Variants in COG6 observed in about 807,000 individuals in gnomAD.
COG6 encodes conserved oligomeric Golgi complex subunit 6.
A neutral mutation model predicts 88.8 loss-of-function variants in COG6; 74 were observed. The ratio of observed to expected loss-of-function variants is 0.83; its 90% CI spans 0.69 to 1.01. The LOEUF is 1.01. Ranked by LOEUF, COG6 falls within the 50% of genes least tolerant of loss-of-function variation. The probability of loss-of-function intolerance (pLI) is 0.00; values close to 1 mark genes in which losing one functional copy is unlikely to be tolerated. For missense variants in COG6, 800 were observed against 797.9 expected, an observed-to-expected ratio of 1.00 and a Z score of -0.03; for synonymous variants, 286 against 278.7, an observed-to-expected ratio of 1.03 and a Z score of -0.26.
chr13:39,705,773 A>G (rs1194743838), intron 13 of COG6, among the ~76,000 whole-genome samples: 3 of 152,112 alleles, frequency 2.0e-5, no homozygotes, highest in African/African-American at 7.2e-5. Context: ...CAGCTTGGGC[A>G]TCATATGGGA....
exon 19 of COG6, chr13:39,789,671 C>T (rs144610952): frequency 2.0e-5 from 3 of 152,154 alleles, no homozygotes; most frequent in African/African-American, 4.8e-5. Flanking sequence ...ACCCCCTCAC[C>T]CTCTTTAAAT....
chr13:39,719,765 A>G lies in COG6; in HGVS notation c.1522A>G (p.Met508Val), dbSNP rs1305639729. 9 of 1,612,696 alleles carry G rather than the reference A, an allele frequency of 5.6e-6. No homozygotes were observed. The Admixed American group carries it at 1.0e-4, about 18-fold the overall frequency. The part of the protein sequence containing the change: ...ATFMVNSLYM[M>V]KTTLALFEFT... ...TTTCATGGTCAATTCACTATATATGATGAAGACAACATTAGCTCTATTTGA... is the reference window on the plus strand; with the variant it reads ...TTTCATGGTCAATTCACTATATATGGTGAAGACAACATTAGCTCTATTTGA... The change falls in exon 15 of 19, where the codon ATG becomes GTG. Residue 508 changes from methionine to valine, a missense_variant. By Grantham distance (21) the Met-to-Val change is conservative. Transcript: ENST00000455146.
In COG6 at chr13:39,709,159, C is replaced by T. The variant is rs1057286984; in HGVS notation, c.1284+9541C>T. Among the ~76,000 whole-genome samples, 9 of 152,146 alleles carry T rather than the reference C, an allele frequency of 5.9e-5. No individual in the cohort carries two copies. The South Asian group carries it at 6.2e-4, about 11-fold the overall frequency. On this transcript the variant is annotated intron_variant, in intron 13 of 18. Coordinates refer to ENST00000455146, the MANE Select transcript of COG6 (RefSeq NM_020751.3). Reference sequence around the variant, plus strand: ...AAACAAAGAATTACGGCACAGTCAACGTAGATTAACCTGCCCTAGGTCACA... The same window carrying T: ...AAACAAAGAATTACGGCACAGTCAATGTAGATTAACCTGCCCTAGGTCACA...
intron 4 of COG6, among the ~76,000 whole-genome samples, chr13:39,665,511 T>C (rs1373351223): frequency 6.6e-6 from 1 of 152,230 alleles, no homozygotes; most frequent in African/African-American, 2.4e-5. Context: ...AGCTATGATA[T>C]ATCCTCTCTG....
intron 18 of COG6, chr13:39,788,220 C>T (rs1337455757): frequency 9.3e-7 from 1 of 1,073,308 alleles, no homozygotes; most frequent in Non-Finnish European, 1.4e-6. Flanking sequence ...AGTATATGGT[C>T]CTGGATGAAT....
chr13:39,679,376 G>C (rs1319569840), intron 5 of COG6, 162 bp from the exon 6 acceptor site: 1 of 639,284 alleles, frequency 1.6e-6, no homozygotes. Flanking sequence ...ATAAATACCA[G>C]TTACACCGTC....
At chr13:39,708,709 A>T (rs767567458) in intron 13 of COG6, among the ~76,000 whole-genome samples, 3 of 152,188 alleles carry the variant, frequency 2.0e-5, no homozygotes, top group Non-Finnish European at 4.4e-5. Context: ...ATGTTCTCAT[A>T]GTAGGTCTTC....
chr13:39,723,179 CCT>C (rs1161292004), intron 15 of COG6, among the ~76,000 whole-genome samples, 152 bp from the exon 16 acceptor site: 2 of 151,996 alleles, frequency 1.3e-5, no homozygotes, highest in Non-Finnish European at 2.9e-5. Context: ...ACTTTTTCCC[CCT>C]TTCATAGAAA....
At chr13:39,781,092 C>A (rs2138188003) in intron 18 of COG6, among the ~76,000 whole-genome samples, 1 of 152,252 alleles carries the variant, frequency 6.6e-6, no homozygotes, top group East Asian at 1.9e-4. Context: ...AACTCCTCTC[C>A]CCTTCTTAAA....
At chr13:39,746,242 AAAAAG>A (rs1202499790) in intron 18 of COG6, among the ~76,000 whole-genome samples, 4 of 152,010 alleles carry the variant, frequency 2.6e-5, no homozygotes, top group African/African-American at 9.7e-5. Context: ...TTAAAAAAAA[AAAAAG>A]TTACTTCCCC....
downstream of COG6, among the ~76,000 whole-genome samples, chr13:39,753,751 C>T (rs892019451): frequency 2.0e-5 from 3 of 152,130 alleles, no homozygotes; most frequent in African/African-American, 7.2e-5. Context: ...TCAGCAACAA[C>T]TGGCCTCTCT....
chr13:39,670,097 CTGAG>C (rs1875528517), intron 4 of COG6, among the ~76,000 whole-genome samples: 3 of 152,038 alleles, frequency 2.0e-5, no homozygotes, highest in Non-Finnish European at 4.4e-5. Context: ...ATTTTTCCAA[CTGAG>C]TGAGAAGGAA....
At chr13:39,720,412 G>A (rs1878790738) in intron 15 of COG6, among the ~76,000 whole-genome samples, 1 of 151,986 alleles carries the variant, frequency 6.6e-6, no homozygotes, top group Non-Finnish European at 1.5e-5. Flanking sequence ...GTTTTAAGCA[G>A]TGATTATTGG....
At chr13:39,689,873 T>C (rs1050497973) in intron 11 of COG6, 49 bp downstream of exon 11, 7 of 1,153,858 alleles carry the variant, frequency 6.1e-6, no homozygotes, top group Non-Finnish European at 9.1e-6. Flanking sequence ...GCTTAAATTA[T>C]TACCTTATTT....
intron 18 of COG6, among the ~76,000 whole-genome samples, chr13:39,727,765 GTAC>G (rs2138093493): frequency 6.6e-6 from 1 of 152,088 alleles, no homozygotes; most frequent in Admixed American, 6.5e-5. Context: ...TCTCTAATTA[GTAC>G]ATGATTGTTA....
At chr13:39,659,983 G>A (rs1261020913) in intron 2 of COG6, among the ~76,000 whole-genome samples, 1 of 152,078 alleles carries the variant, frequency 6.6e-6, no homozygotes, top group East Asian at 1.9e-4. Flanking sequence ...TCACCACAGA[G>A]TGAAAATAAA....
intron 18 of COG6, among the ~76,000 whole-genome samples, chr13:39,786,983 G>GC (rs1881791459): frequency 1.3e-5 from 2 of 152,126 alleles, no homozygotes. Context: ...CACATTATGA[G>GC]CCCCAAGAGA....
Position 39,744,524 on chromosome 13 carries a change from A to G in COG6, c.1827-6422A>G, listed in dbSNP as rs538102359. Among the ~76,000 whole-genome samples, 249 of 152,318 alleles carry G rather than the reference A, an allele frequency of 1.6e-3. 1 individual carries two copies. The highest frequency in any genetic ancestry group is 2.8e-3 in the Non-Finnish European group (188 of 68,026). On this transcript the variant is annotated intron_variant, in intron 18 of 18. Coordinates refer to ENST00000455146, the MANE Select transcript of COG6 (RefSeq NM_020751.3). ...TCACAATTGCTACAAAGAGAATAAA[A>G]TAACCTAGGAATCCAACTTACAAGG... is the stretch of plus-strand genomic sequence containing the variant.
In COG6 at chr13:39,655,761, C is replaced by G. The variant is rs779886896; in HGVS notation, c.35C>G (p.Ser12Cys). The G allele has an allele frequency of 6.3e-6, 10 of 1,593,328 alleles. No homozygotes were observed. The highest frequency in any genetic ancestry group is 2.3e-5 in the East Asian group (1 of 43,622). ...GGCAGCGGGGAAGTGGTCGCAGTGT[C>G]TGCGACCGGGGCTGCCAACGGCCTC... ...AEGSGEVVAVSATGAANGLNN... is the reference protein window; with the variant it reads ...AEGSGEVVAVCATGAANGLNN... The change falls in exon 1 of 19, where the codon TCT (serine) becomes TGT (cysteine). Residue 12 changes from serine (S) to cysteine (C), a missense_variant. Ser to Cys is a moderately radical substitution (Grantham distance 112). Coordinates refer to ENST00000455146, the MANE Select transcript of COG6 (RefSeq NM_020751.3).
Sources: allele counts gnomAD v4.1 joint callset (sites outside exome capture counted in the v4.1 genomes callset), GRCh38; gene constraint gnomAD v4.1.1; transcripts MANE v1.5; gene names NCBI Gene and HGNC (gene_info 2026-07-23, HGNC 2026-07-21).